TOP1MT: variants seen among roughly 807,000 people sequenced by gnomAD.
The protein encoded by TOP1MT is DNA topoisomerase I, mitochondrial.
TOP1MT carries 80 observed loss-of-function variants against 73.9 expected under a neutral mutation model. The ratio of observed to expected loss-of-function variants is 1.08; its 90% CI spans 0.90 to 1.30. The LOEUF is 1.30. TOP1MT is among the 50% of genes most tolerant of loss of function. The pLI is 0.00. For missense variants in TOP1MT, 815 were observed against 808.0 expected (o/e 1.01, Z -0.10); for synonymous variants, 338 against 326.4 (o/e 1.04, Z -0.38).
At chr8:143,353,861 G>A (rs1817360594) in intron 1 of TOP1MT, among the ~76,000 whole-genome samples, 1 of 150,692 alleles carries the variant, frequency 6.6e-6, no homozygotes, top group Non-Finnish European at 1.5e-5. Flanking sequence ...CTACTCGGGA[G>A]GCTGAGGCAG....
chr8:143,334,776 G>A lies in TOP1MT; in HGVS notation c.86C>T (p.Pro29Leu), dbSNP rs777447001. ...VPRRPASRGV[P>L]GSRRTQKGSG... ...GCCCTTCTGCGTCCTGCGCGAGCCC[G>A]GGACACCCCGGGAGGCCGGGCGGCG... Residue 29 changes from proline (P) to leucine (L), a missense_variant, in exon 1 of 14, where the codon CCG becomes CTG. Pro to Leu is a moderately conservative substitution (Grantham distance 98). Coordinates refer to ENST00000329245, the MANE Select transcript of TOP1MT (RefSeq NM_052963.3). The A allele has an allele frequency of 7.5e-6, 12 of 1,594,268 alleles. No individual in the cohort carries two copies. Among genetic ancestry groups the A allele is most frequent in the Admixed American group, 1.7e-5 (1 of 59,038 alleles).
At position 143,334,737 on chromosome 8, in the gene TOP1MT, T is replaced by C. The variant is rs751602704; in HGVS notation, c.122+3A>G. On this transcript the variant is annotated splice_donor_region_variant and intron_variant, in intron 1 of 13. Transcript: ENST00000329245. ...TCGCCGCCTGCTCACTGGGACACCT[T>C]ACCTGGCTCCACTGCCCTTCTGCGT... 2.5e-6 allele frequency: 4 copies of C among 1,600,348 alleles called. No homozygotes were observed. Among genetic ancestry groups the C allele is most frequent in the Non-Finnish European group, 3.4e-6 (4 of 1,174,438 alleles).
Position 143,340,440 on chromosome 8 carries a change from G to A in TOP1MT, c.29+2780C>T, listed in dbSNP as rs113673690. Among the ~76,000 whole-genome samples, 300 of 152,112 alleles carry A rather than the reference G, an allele frequency of 2.0e-3. 1 individual carries two copies. The highest frequency in any genetic ancestry group is 6.9e-3 in the African/African-American group (288 of 41,490). ...CTTCGGCCTTCTCCCACCCTTTCTG[G>A]CTCTCCTCCTGTGGCTTAGCTGCCT... is the stretch of plus-strand genomic sequence containing the variant. On this transcript the variant is annotated intron_variant, in intron 2 of 5. Coordinates refer to the TOP1MT transcript ENST00000518007.
At chr8:143,322,602 C>T (rs1420433531) in intron 7 of TOP1MT, among the ~76,000 whole-genome samples, 2 of 116,202 alleles carry the variant, frequency 1.7e-5, no homozygotes, top group African/African-American at 7.4e-5. Context: ...CACATGCAGG[C>T]CACACACATG....
At chr8:143,348,339 T>C (rs960571126), upstream of TOP1MT, among the ~76,000 whole-genome samples, 3 of 152,078 alleles carry the variant, frequency 2.0e-5, no homozygotes, top group Non-Finnish European at 2.9e-5. The surrounding 1 kb of genome is among the most constrained non-coding windows in gnomAD (Gnocchi z 4.6). Flanking sequence ...AGAGAATTGA[T>C]AGAAAACCCA....
intron 8 of TOP1MT, among the ~76,000 whole-genome samples, chr8:143,320,174 G>A (rs1387629963): frequency 6.6e-6 from 1 of 152,172 alleles, no homozygotes; most frequent in Middle Eastern, 3.4e-3. Context: ...TGTCACCCAG[G>A]CAGGAGTGCA....
At chr8:143,343,323 C>A in intron 1 of TOP1MT, 2 of 453,894 alleles carry the variant, frequency 4.4e-6, no homozygotes, top group South Asian at 1.6e-5. Context: ...TGCAGCTCTG[C>A]GGCTCATTTA....
Position 143,321,355 on chromosome 8 carries a change from T to G in TOP1MT, c.992A>C (p.Asp331Ala). Residue 331 changes from aspartate (D) to alanine (A), a missense_variant, in exon 8 of 14, where the codon GAC becomes GCC. Physicochemically the swap from Asp to Ala is moderately radical, Grantham distance 126. Around this residue, in one of 3 missense-constraint regions of TOP1MT, gnomAD observed 751 missense variants for 725.4 expected, o/e 1.04. Coordinates refer to ENST00000329245, the MANE Select transcript of TOP1MT (RefSeq NM_052963.3). ...GCCCACGGTGTCGGCCGCCTCACCG[T>G]CCTCCTTCTCATTTCCTGCTCTCAG... ...LALRAGNEKE[D>A]GEAADTVGCC... 1 of 1,594,352 alleles carries G rather than the reference T, an allele frequency of 6.3e-7. No individual in the cohort carries two copies. The highest frequency in any genetic ancestry group is 1.3e-5 in the African/African-American group (1 of 74,360).
At chr8:143,320,526 C>T (rs187557707) in intron 8 of TOP1MT, among the ~76,000 whole-genome samples, 1 of 152,322 alleles carries the variant, frequency 6.6e-6, no homozygotes, top group East Asian at 1.9e-4. Context: ...CTCAGCCTCC[C>T]GAAGCACTGA....
chr8:143,352,029 C>T (rs1817328827), intron 1 of TOP1MT, among the ~76,000 whole-genome samples: 1 of 152,184 alleles, frequency 6.6e-6, no homozygotes, highest in Non-Finnish European at 1.5e-5. Flanking sequence ...TTGTGGTGAG[C>T]CAAGATTGTG....
upstream of TOP1MT, chr8:143,334,902 C>A: frequency 7.2e-7 from 1 of 1,383,876 alleles, no homozygotes; most frequent in Non-Finnish European, 9.3e-7. Flanking sequence ...GGGCCCCGCC[C>A]CAGCGGCCAG....
At chr8:143,350,337 C>T (rs571237713) in intron 1 of TOP1MT, 1 of 152,142 alleles carries the variant, frequency 6.6e-6, no homozygotes, top group African/African-American at 2.4e-5. Context: ...CTTTTCTTTT[C>T]TTTTATTATT....
At chr8:143,342,676 CTATTATTATTA>C (rs1817139651) in intron 2 of TOP1MT, among the ~76,000 whole-genome samples, 1 of 26,984 alleles carries the variant, frequency 3.7e-5, no homozygotes, top group Non-Finnish European at 5.7e-5. Flanking sequence ...CAGTCTCGCT[CTATTATTATTA>C]TTATTATTAG....
chr8:143,318,109 C>T, intron 8 of TOP1MT, 23 bp from the exon 9 acceptor site: 1 of 1,612,572 alleles, frequency 6.2e-7, no homozygotes, highest in Non-Finnish European at 8.5e-7. Context: ...GAAGGAATTT[C>T]AGAGGACAGA....
intron 12 of TOP1MT, among the ~76,000 whole-genome samples, chr8:143,314,451 G>A (rs1398879531): frequency 8.6e-5 from 13 of 151,918 alleles, no homozygotes; most frequent in African/African-American, 2.4e-4. Flanking sequence ...TAAATGAGCC[G>A]GGCGTGGTGG....
intron 7 of TOP1MT, 100 bp downstream of exon 7, chr8:143,323,899 C>A: frequency 7.1e-7 from 1 of 1,400,842 alleles, no homozygotes; most frequent in South Asian, 1.3e-5. Context: ...AGGTTCCACC[C>A]CACACACAGG....
At chr8:143,343,455 G>C in intron 1 of TOP1MT, 1 of 346,708 alleles carries the variant, frequency 2.9e-6, no homozygotes, top group East Asian at 7.5e-5. Flanking sequence ...CCACGTGCTG[G>C]GCATCAAGGA....
chr8:143,342,713 G>GTTA (rs1194639809), intron 2 of TOP1MT, among the ~76,000 whole-genome samples: 1 of 104,962 alleles, frequency 9.5e-6, no homozygotes, highest in Non-Finnish European at 1.9e-5. Context: ...GAGTCTCGCT[G>GTTA]TTATTATTAT....
chr8:143,322,485 C>CAA (rs1816476587), intron 7 of TOP1MT, among the ~76,000 whole-genome samples: 1 of 97,118 alleles, frequency 1.0e-5, no homozygotes, highest in Non-Finnish European at 2.0e-5. Flanking sequence ...CACAGGCACG[C>CAA]CACACGCACG....
Sources: allele counts gnomAD v4.1 joint callset (sites outside exome capture counted in the v4.1 genomes callset), GRCh38; gene constraint gnomAD v4.1.1; regional missense constraint gnomAD v4.1.1; non-coding constraint Gnocchi (gnomAD v3.1); transcripts MANE v1.5; gene names NCBI Gene and HGNC (gene_info 2026-07-23, HGNC 2026-07-21).